ZFPM1: variants seen among roughly 807,000 people sequenced by gnomAD.
ZFPM1 encodes the protein zinc finger protein ZFPM1.
Under a neutral mutation model 46.3 loss-of-function variants are expected in ZFPM1, and 28 were observed. The observed-to-expected ratio is 0.60, with a 90% CI of 0.45 to 0.83. The LOEUF (loss-of-function observed/expected upper bound fraction) is 0.83. Among genes scored for constraint, ZFPM1 ranks in the 40% least tolerant of loss-of-function variants. The pLI, the probability that ZFPM1 is intolerant of heterozygous loss-of-function variation, is 0.00. For missense variants in ZFPM1, 1,878 were observed against 1,432.4 expected, an observed-to-expected ratio of 1.31 and a Z score of -5.02; for synonymous variants, 957 against 675.9, an observed-to-expected ratio of 1.42 and a Z score of -6.45.
chr16:88,491,446 A>T (rs1200491442), intron 3 of ZFPM1, among the ~76,000 whole-genome samples: 1 of 152,198 alleles, frequency 6.6e-6, no homozygotes, highest in Admixed American at 6.5e-5. Context: ...TCTCTGGAGG[A>T]GGAGACCCAG....
chr16:88,460,029 T>C (rs1246624149), intron 1 of ZFPM1, among the ~76,000 whole-genome samples: 1 of 151,750 alleles, frequency 6.6e-6, no homozygotes, highest in African/African-American at 2.4e-5. Flanking sequence ...TCTAGCTGGC[T>C]GGCCCTTCCC....
At chr16:88,494,521 A>G (rs1012625578) in intron 3 of ZFPM1, among the ~76,000 whole-genome samples, 1 of 151,828 alleles carries the variant, frequency 6.6e-6, no homozygotes, top group African/African-American at 2.4e-5. Flanking sequence ...CGCCGTCACC[A>G]CCCACAGCAA....
intron 3 of ZFPM1, among the ~76,000 whole-genome samples, chr16:88,514,002 A>G (rs974921485): frequency 3.9e-5 from 6 of 152,240 alleles, no homozygotes; most frequent in Non-Finnish European, 5.9e-5. Context: ...CAGCACGTTC[A>G]TAGACTGCAG....
intron 6 of ZFPM1, 64 bp downstream of exon 6, chr16:88,528,302 AGAGGGTGGGAGCT>A (rs1912510805): frequency 6.8e-7 from 1 of 1,459,984 alleles, no homozygotes; most frequent in Non-Finnish European, 9.2e-7. Context: ...GCAGGGCAGG[AGAGGGTGGGAGCT>A]GAGGGTGGGA....
intron 1 of ZFPM1, among the ~76,000 whole-genome samples, chr16:88,454,295 G>A (rs1225192531): frequency 2.6e-5 from 4 of 152,188 alleles, no homozygotes; most frequent in Admixed American, 6.5e-5. Flanking sequence ...CCGCAGCCTA[G>A]GCACTTGGCT....
intron 3 of ZFPM1, among the ~76,000 whole-genome samples, chr16:88,494,519 C>T (rs1597249921): frequency 6.6e-6 from 1 of 152,286 alleles, no homozygotes; most frequent in East Asian, 1.9e-4. Flanking sequence ...CCCGCCGTCA[C>T]CACCCACAGC....
intron 3 of ZFPM1, among the ~76,000 whole-genome samples, chr16:88,493,909 A>C (rs764153045): frequency 6.6e-6 from 1 of 152,120 alleles, no homozygotes; most frequent in Non-Finnish European, 1.5e-5. Flanking sequence ...GCTTCAAAGG[A>C]GGGCACCTTG....
chr16:88,531,477 G>A (rs1912779639), intron 6 of ZFPM1, among the ~76,000 whole-genome samples: 2 of 152,098 alleles, frequency 1.3e-5, no homozygotes, highest in African/African-American at 4.8e-5. Context: ...CCTAACTTGT[G>A]CACTCCTGGT....
intron 1 of ZFPM1, among the ~76,000 whole-genome samples, chr16:88,470,769 G>T (rs1317789028): frequency 1.1e-4 from 6 of 53,424 alleles, no homozygotes; most frequent in Non-Finnish European, 2.6e-4. Context: ...TGACACGTGA[G>T]GATGTGGCAC....
chr16:88,473,721 G>A (rs1236193413), intron 1 of ZFPM1, among the ~76,000 whole-genome samples: 3 of 152,168 alleles, frequency 2.0e-5, no homozygotes, highest in Admixed American at 6.5e-5. Flanking sequence ...TCTCGGGGCC[G>A]TGCTGGGACC....
chr16:88,521,434 C>T (rs1228275695), intron 4 of ZFPM1, among the ~76,000 whole-genome samples: 1 of 151,912 alleles, frequency 6.6e-6, no homozygotes, highest in Non-Finnish European at 1.5e-5. Flanking sequence ...CAGCCCCATC[C>T]CCAGGTGAGA....
chr16:88,492,185 TTCTC>T (rs368297743), intron 3 of ZFPM1, among the ~76,000 whole-genome samples: 3 of 149,422 alleles, frequency 2.0e-5, no homozygotes, highest in African/African-American at 4.9e-5. Flanking sequence ...CTGCCTCTCT[TTCTC>T]TCTCTCTCTC....
intron 1 of ZFPM1, among the ~76,000 whole-genome samples, chr16:88,462,701 A>G (rs547014469): frequency 1.3e-5 from 2 of 152,184 alleles, no homozygotes; most frequent in Non-Finnish European, 2.9e-5. Flanking sequence ...CTCTGTCATT[A>G]TAGGGAGGTT....
intron 1 of ZFPM1, among the ~76,000 whole-genome samples, chr16:88,460,826 G>A (rs1206015726): frequency 6.6e-6 from 1 of 152,184 alleles, no homozygotes; most frequent in Admixed American, 6.5e-5. Flanking sequence ...GTGACATGGT[G>A]CTCCTACTCC....
chr16:88,474,795 C>G (rs974908902), intron 1 of ZFPM1, among the ~76,000 whole-genome samples: 1 of 152,242 alleles, frequency 6.6e-6, no homozygotes, highest in African/African-American at 2.4e-5. Flanking sequence ...GCCCCTGCTG[C>G]AGAACCCCCA....
At chr16:88,461,892 C>T (rs1038763325) in intron 1 of ZFPM1, among the ~76,000 whole-genome samples, 2 of 152,204 alleles carry the variant, frequency 1.3e-5, no homozygotes, top group African/African-American at 4.8e-5. Flanking sequence ...GCCCTGGAGG[C>T]GTGACATGTG....
intron 1 of ZFPM1, among the ~76,000 whole-genome samples, chr16:88,481,456 G>A (rs1307163581): frequency 6.6e-6 from 1 of 150,794 alleles, no homozygotes; most frequent in Non-Finnish European, 1.5e-5. Flanking sequence ...CGGGGGCCGT[G>A]GACAGGGCAG....
rs1597259382 is a variant in ZFPM1 at position 88,505,984 on chromosome 16, G to C, written c.269-8403G>C. Among the ~76,000 whole-genome samples, 3 of 152,244 alleles carry C rather than the reference G, an allele frequency of 2.0e-5. No individual in the cohort carries two copies. In the South Asian group the frequency reaches 6.2e-4, roughly 31 times the overall value. ...GTGCAGGGTCTGAGGGTCTCAGGAA[G>C]GCAGGTTCTGTGGTTCGAAGCCCTT... On this transcript the variant is annotated intron_variant, in intron 3 of 9. Transcript: ENST00000319555.
intron 4 of ZFPM1, 101 bp from the exon 5 acceptor site, chr16:88,526,713 G>C (rs555085114): frequency 7.7e-7 from 1 of 1,295,150 alleles, no homozygotes; most frequent in East Asian, 2.5e-5. Context: ...CAGCCAAGCC[G>C]GGAGGCAGAT....
Sources: gnomAD v4.1 joint callset for allele counts (sites outside exome capture counted in the v4.1 genomes callset) on GRCh38, gnomAD v4.1.1 for gene constraint, MANE v1.5 for transcripts, NCBI Gene and HGNC (gene_info 2026-07-23, HGNC 2026-07-21) for gene names.